The following TRPV3 variants were observed in gnomAD, a reference collection of about 807,000 sequenced individuals.
The protein encoded by TRPV3 is VRL-3.
Under a neutral mutation model 87.1 loss-of-function variants are expected in TRPV3, and 88 were observed. That is an observed-to-expected ratio of 1.01 (90% CI 0.85 to 1.21). TRPV3 has a LOEUF of 1.21. Ranked by LOEUF, TRPV3 falls within the 50% of genes most tolerant of loss-of-function variation. TRPV3 has a pLI of 0.00. For missense variants in TRPV3, 1,054 were observed against 1,030.1 expected, an observed-to-expected ratio of 1.02 and a Z score of -0.32; for synonymous variants, 438 against 423.3, an observed-to-expected ratio of 1.03 and a Z score of -0.43.
At chr17:3,538,833 C>T (rs900969109) in intron 6 of TRPV3, among the ~76,000 whole-genome samples, 3 of 152,240 alleles carry the variant, frequency 2.0e-5, no homozygotes, top group Non-Finnish European at 4.4e-5. Flanking sequence ...GATCCACCTG[C>T]CTTGGCCTCC....
chr17:3,519,974 T>TTGGA (rs56355146), intron 14 of TRPV3, among the ~76,000 whole-genome samples: 20,209 of 116,866 alleles, frequency 0.17, 1,725 homozygotes, highest in East Asian at 0.37. Context: ...GGATGAATGA[T>TTGGA]TGGATGGATG....
At chr17:3,521,835 A>G (rs1391034596) in intron 13 of TRPV3, among the ~76,000 whole-genome samples, 1 of 152,138 alleles carries the variant, frequency 6.6e-6, no homozygotes, top group Non-Finnish European at 1.5e-5. Context: ...CAACACTTTG[A>G]GAGGCTGAGG....
rs1163820376 is a variant in TRPV3, at chr17:3,518,855, G to A, written c.1811-5C>T. 1 of 1,611,914 alleles carries A rather than the reference G, an allele frequency of 6.2e-7. No homozygotes were observed. The highest frequency in any genetic ancestry group is 2.2e-5 in the East Asian group (1 of 44,850). On this transcript the variant is annotated splice_polypyrimidine_tract_variant and splice_region_variant and intron_variant, in intron 14 of 17. Transcript: ENST00000576742. The surrounding 1 kb of genome is among the most constrained non-coding windows in gnomAD (Gnocchi z 4.3). ...TCTCGATCAGCGAGGCCAAGGCTAA[G>A]GGAACATAACAGGGTGCTCTCCTCA...
At chr17:3,525,252 T>C (rs1237277596) in intron 12 of TRPV3, among the ~76,000 whole-genome samples, 2 of 152,228 alleles carry the variant, frequency 1.3e-5, no homozygotes, top group South Asian at 2.1e-4. Context: ...ACTTCTGACC[T>C]CAGGTGATCC....
At position 3,528,811 on chromosome 17, in the gene TRPV3, T is replaced by A. The variant is rs751807450; in HGVS notation, c.1401+26A>T. ...GCCCCTCCAGCTCTGACGGCCCCAT[T>A]TTCCCCCTCCAAGGGGCCCACGTAC... On this transcript the variant is annotated intron_variant, in intron 10 of 17. Coordinates refer to ENST00000576742, the MANE Select transcript of TRPV3 (RefSeq NM_145068.4). This position sits in a 1 kb window ranked among gnomAD's most constrained non-coding sequence, Gnocchi z 4.2. The A allele has an allele frequency of 1.9e-6, 3 of 1,613,278 alleles. No individual in the cohort carries two copies.
chr17:3,524,548 CA>C (rs1284421077), intron 12 of TRPV3, among the ~76,000 whole-genome samples, 185 bp from the exon 13 acceptor site: 1 of 152,132 alleles, frequency 6.6e-6, no homozygotes. Context: ...GTAGAGACAT[CA>C]CCAGATGCCA....
chr17:3,535,382 T>G (rs1205003208), intron 7 of TRPV3, among the ~76,000 whole-genome samples, 191 bp downstream of exon 7: 1 of 92,956 alleles, frequency 1.1e-5, no homozygotes, highest in Non-Finnish European at 2.2e-5. Context: ...GCTTCCTTCC[T>G]CCCTCCTCCC....
intron 11 of TRPV3, 32 bp from the exon 12 acceptor site, chr17:3,526,959 C>T: frequency 6.4e-7 from 1 of 1,572,656 alleles, no homozygotes; most frequent in Middle Eastern, 1.7e-4. Context: ...ACAGTGCACC[C>T]TCTTCATGGC....
In TRPV3 at chr17:3,532,819, G is replaced by C; in HGVS notation, c.903C>G (p.His301Gln). 1 of 1,614,278 alleles carries C rather than the reference G, an allele frequency of 6.2e-7. No homozygotes were observed. Reference sequence around the variant, plus strand: ...AGTCCTCGGCCACGGTCACCAGGGCGTGAAGGATGTTGTTGCCTCGTGAGT... The same window carrying C: ...AGTCCTCGGCCACGGTCACCAGGGCCTGAAGGATGTTGTTGCCTCGTGAGT... Reference protein sequence around the residue: ...SRDSRGNNILHALVTVAEDFK... With the variant: ...SRDSRGNNILQALVTVAEDFK... The change falls in exon 8 of 18, where the codon CAC becomes CAG. Residue 301 changes from histidine (H) to glutamine (Q), a missense_variant. Physicochemically the swap from His to Gln is conservative, Grantham distance 24. Transcript: ENST00000576742.
intron 15 of TRPV3, among the ~76,000 whole-genome samples, chr17:3,517,893 G>A (rs925075495): frequency 3.4e-5 from 5 of 147,628 alleles, no homozygotes; most frequent in African/African-American, 7.5e-5. Flanking sequence ...ATCTCAACTC[G>A]CTGCAACCTC....
intron 7 of TRPV3, among the ~76,000 whole-genome samples, chr17:3,533,296 C>T (rs2150792575): frequency 6.6e-6 from 1 of 152,284 alleles, no homozygotes; most frequent in African/African-American, 2.4e-5. Flanking sequence ...CGGCCTTTTT[C>T]CACCTCCTCC....
intron 16 of TRPV3, 73 bp downstream of exon 16, chr17:3,516,384 C>T (rs2074183303): frequency 1.7e-6 from 2 of 1,188,454 alleles, no homozygotes. Flanking sequence ...GTTTCTCTAA[C>T]ATCCTGTCAC....
intron 6 of TRPV3, among the ~76,000 whole-genome samples, chr17:3,538,144 G>A (rs2074425089): frequency 6.7e-6 from 1 of 149,648 alleles, no homozygotes. Flanking sequence ...CTTGCAGTGA[G>A]CATGCCACTG....
At chr17:3,550,520 CTTTTTTTTTTT>C (rs35400667) in intron 2 of TRPV3, among the ~76,000 whole-genome samples, 5 of 92,184 alleles carry the variant, frequency 5.4e-5, no homozygotes, top group South Asian at 4.2e-4. Flanking sequence ...CCTGCCTGCT[CTTTTTTTTTTT>C]TTTTTTTTTT....
At chr17:3,527,019 G>T in intron 11 of TRPV3, 92 bp from the exon 12 acceptor site, 1 of 1,026,546 alleles carries the variant, frequency 9.7e-7, no homozygotes, top group Non-Finnish European at 1.5e-6. Flanking sequence ...CCAAGACTCA[G>T]TGAGGGTTGA....
rs140395175 is a variant in TRPV3, at chr17:3,549,427, C to A, written c.120-4156G>T. 8.2e-4 allele frequency among the ~76,000 whole-genome samples: 125 copies of A among 152,322 alleles called. 2 individuals are homozygous for A. The highest frequency in any genetic ancestry group is 2.8e-3 in the African/African-American group (117 of 41,568). ...GACTTTCCACACTCTGGACAATACA[C>A]CATCCTACAGCTATACATTCCTCAA... is the stretch of plus-strand genomic sequence containing the variant. On this transcript the variant is annotated intron_variant, in intron 2 of 17. Coordinates refer to ENST00000576742, the MANE Select transcript of TRPV3 (RefSeq NM_145068.4).
rs759104716 is a variant in TRPV3, at chr17:3,535,605, T to C, written c.752A>G (p.Asn251Ser). 1.9e-6 allele frequency: 3 copies of C among 1,609,070 alleles called. No individual in the cohort carries two copies. The highest frequency in any genetic ancestry group is 1.1e-5 in the South Asian group (1 of 90,568). ...VNAHAKGAFF[N>S]PKYQHEGFYF... is the part of the protein sequence containing the mutation. The stretch of plus-strand genomic sequence containing the variant: ...GAAGCCTTCGTGTTGGTACTTGGGG[T>C]TGAAGAAGGCCCCCTTGGCGTGCGC... The change falls in exon 7 of 18, where the codon AAC (asparagine) becomes AGC (serine). Residue 251 changes from asparagine (N) to serine (S), a missense_variant. Coordinates refer to ENST00000576742, the MANE Select transcript of TRPV3 (RefSeq NM_145068.4).
Position 3,528,426 on chromosome 17 carries a change from T to C in TRPV3, c.1402-300A>G, listed in dbSNP as rs1402550105. Among the ~76,000 whole-genome samples, 1 of 152,182 alleles carries C rather than the reference T, an allele frequency of 6.6e-6. No homozygotes were observed. Among genetic ancestry groups the C allele is most frequent in the African/African-American group, 2.4e-5 (1 of 41,448 alleles). ...CCATATCCAGGCACTCAACATGGCC[T>C]CACAGCACCGTTAAATAAAGCCGAG... On this transcript the variant is annotated intron_variant, in intron 10 of 17. Coordinates refer to ENST00000576742, the MANE Select transcript of TRPV3 (RefSeq NM_145068.4). The surrounding 1 kb of genome is among the most constrained non-coding windows in gnomAD (Gnocchi z 4.2).
Position 3,518,542 on chromosome 17 carries a change from A to G in TRPV3, c.2085+34T>C, listed in dbSNP as rs778486597. 2.6e-6 allele frequency: 4 copies of G among 1,526,488 alleles called. No homozygotes were observed. The highest frequency in any genetic ancestry group is 2.5e-5 in the South Asian group (2 of 78,800). 94.6% of individuals were successfully genotyped at this position (1,526,488 alleles called of 1,614,324 possible). Reference sequence around the variant, plus strand: ...CCACGTGCTGAACTGAGTCCCGTGGAGGCCCCCACGCTGGGGTCTCCACCT... The same window carrying G: ...CCACGTGCTGAACTGAGTCCCGTGGGGGCCCCCACGCTGGGGTCTCCACCT... On this transcript the variant is annotated intron_variant, in intron 15 of 17. Coordinates refer to ENST00000576742, the MANE Select transcript of TRPV3 (RefSeq NM_145068.4). The surrounding 1 kb of genome is among the most constrained non-coding windows in gnomAD (Gnocchi z 4.3).
Sources: allele counts gnomAD v4.1 joint callset (sites outside exome capture counted in the v4.1 genomes callset), GRCh38; gene constraint gnomAD v4.1.1; non-coding constraint Gnocchi (gnomAD v3.1); transcripts MANE v1.5; gene names NCBI Gene and HGNC (gene_info 2026-07-23, HGNC 2026-07-21).